PAX3: variants seen among roughly 807,000 people sequenced by gnomAD.
PAX3 encodes the protein paired box protein Pax-3.
In PAX3, 14 loss-of-function variants were observed where a neutral mutation model predicts 51.6. The ratio of observed to expected loss-of-function variants is 0.27; its 90% CI spans 0.18 to 0.42. The LOEUF is 0.42. PAX3 is among the 10% of genes least tolerant of loss of function. The probability of loss-of-function intolerance (pLI) is 1.00; values close to 1 mark genes in which losing one functional copy is unlikely to be tolerated. For missense variants in PAX3, 540 were observed against 642.8 expected, an observed-to-expected ratio of 0.84 and a Z score of 1.73; for synonymous variants, 280 against 253.4, an observed-to-expected ratio of 1.11 and a Z score of -1.00.
intron 5 of PAX3, among the ~76,000 whole-genome samples, chr2:222,231,005 C>T (rs1015687224): frequency 6.6e-6 from 1 of 152,122 alleles, no homozygotes; most frequent in African/African-American, 2.4e-5. Flanking sequence ...CTTCAGAGAA[C>T]TGTCTTAATT....
intron 4 of PAX3, among the ~76,000 whole-genome samples, chr2:222,292,879 C>G (rs1695095139): frequency 1.3e-5 from 2 of 152,236 alleles, no homozygotes; most frequent in South Asian, 4.1e-4. Flanking sequence ...ATCAGAGTAT[C>G]TACACTTGTT....
intron 4 of PAX3, among the ~76,000 whole-genome samples, chr2:222,244,768 G>C (rs1276303764): frequency 2.0e-5 from 3 of 149,914 alleles, no homozygotes; most frequent in African/African-American, 7.4e-5. Flanking sequence ...TTCAGCTCTT[G>C]CTCATTCCCA....
At chr2:222,207,262 G>A (rs912202177) in intron 7 of PAX3, among the ~76,000 whole-genome samples, 1 of 152,142 alleles carries the variant, frequency 6.6e-6, no homozygotes, top group African/African-American at 2.4e-5. Flanking sequence ...TCCTGAAAAT[G>A]TCCTCAGATT....
intron 4 of PAX3, chr2:222,293,674 GC>G: frequency 1.2e-6 from 2 of 1,614,104 alleles, no homozygotes; most frequent in Non-Finnish European, 1.7e-6. Flanking sequence ...CAATGTGGGG[GC>G]AATTTTGGAG....
chr2:222,292,816 C>G (rs911842844), intron 4 of PAX3, among the ~76,000 whole-genome samples: 4 of 152,236 alleles, frequency 2.6e-5, no homozygotes, highest in African/African-American at 9.6e-5. Context: ...GCAAAGGAAG[C>G]ATCTCCCTGC....
At chr2:222,211,024 T>A (rs549578472) in intron 7 of PAX3, among the ~76,000 whole-genome samples, 1 of 151,988 alleles carries the variant, frequency 6.6e-6, no homozygotes, top group South Asian at 2.1e-4. Context: ...AGGCCACCAT[T>A]CCCAGCTAAT....
At chr2:222,252,057 G>T (rs1217355744) in intron 4 of PAX3, among the ~76,000 whole-genome samples, 1 of 152,142 alleles carries the variant, frequency 6.6e-6, no homozygotes, top group African/African-American at 2.4e-5. Flanking sequence ...GCTAAGGATG[G>T]TTACTACATT....
chr2:222,276,967 C>T (rs1341677599), intron 4 of PAX3, among the ~76,000 whole-genome samples: 3 of 152,146 alleles, frequency 2.0e-5, no homozygotes, highest in African/African-American at 7.2e-5. Flanking sequence ...AAGAAGCACC[C>T]TGCGTATTCT....
At chr2:222,248,588 A>G (rs1038500591) in intron 4 of PAX3, among the ~76,000 whole-genome samples, 4 of 152,156 alleles carry the variant, frequency 2.6e-5, no homozygotes, top group African/African-American at 9.7e-5. Flanking sequence ...CTGATTGACC[A>G]CTTCCTTGAA....
At chr2:222,291,758 A>G (rs1447856264) in intron 4 of PAX3, among the ~76,000 whole-genome samples, 1 of 152,028 alleles carries the variant, frequency 6.6e-6, no homozygotes, top group Non-Finnish European at 1.5e-5. Context: ...CATTCATTCT[A>G]TTTTACAAGC....
intron 4 of PAX3, among the ~76,000 whole-genome samples, chr2:222,265,978 A>C (rs1694043741): frequency 6.6e-6 from 1 of 152,190 alleles, no homozygotes. Context: ...CTAATCCAAT[A>C]GTGTGGGGAC....
chr2:222,286,261 G>A (rs1694831145), intron 4 of PAX3, among the ~76,000 whole-genome samples: 2 of 152,226 alleles, frequency 1.3e-5, no homozygotes, highest in Admixed American at 6.5e-5. Flanking sequence ...TTTTTAAACA[G>A]AATATGTTGG....
At chr2:222,230,704 A>T (rs186184469) in intron 5 of PAX3, among the ~76,000 whole-genome samples, 1 of 151,920 alleles carries the variant, frequency 6.6e-6, no homozygotes, top group African/African-American at 2.4e-5. Flanking sequence ...AAAATACAAA[A>T]ATGAGCCGGG....
chr2:222,265,940 A>T (rs1347852732), intron 4 of PAX3, among the ~76,000 whole-genome samples: 1 of 152,212 alleles, frequency 6.6e-6, no homozygotes, highest in East Asian at 1.9e-4. Context: ...TGGCTCAGGG[A>T]CACCTGTAGA....
At chr2:222,266,789 A>T (rs1305585812) in intron 4 of PAX3, among the ~76,000 whole-genome samples, 1 of 152,226 alleles carries the variant, frequency 6.6e-6, no homozygotes, top group Non-Finnish European at 1.5e-5. Flanking sequence ...TCAGAGAGCC[A>T]CTGAAACCAT....
chr2:222,295,474 G>T, intron 3 of PAX3, 54 bp downstream of exon 3: 1 of 1,603,158 alleles, frequency 6.2e-7, no homozygotes, highest in South Asian at 1.1e-5. Context: ...TCGACGTGCC[G>T]GGGTAATAGC....
intron 4 of PAX3, among the ~76,000 whole-genome samples, chr2:222,242,842 C>G (rs1693067788): frequency 6.6e-6 from 1 of 152,194 alleles, no homozygotes; most frequent in Admixed American, 6.6e-5. Flanking sequence ...TTGAATAAGA[C>G]ATGAGTGTTC....
intron 4 of PAX3, chr2:222,242,575 A>G (rs1427357949): frequency 6.6e-6 from 1 of 152,200 alleles, no homozygotes; most frequent in South Asian, 2.1e-4. Context: ...AAATCATATC[A>G]GCATTGTCAT....
chr2:222,240,308 C>T (rs75522196), intron 4 of PAX3, among the ~76,000 whole-genome samples: 10,283 of 152,164 alleles, frequency 0.068, 527 homozygotes, highest in African/African-American at 0.15. Flanking sequence ...GGCAAGCTGC[C>T]TCTGAAGTGC....
Sources: allele counts gnomAD v4.1 joint callset (sites outside exome capture counted in the v4.1 genomes callset), GRCh38; gene constraint gnomAD v4.1.1; transcripts MANE v1.5; gene names NCBI Gene and HGNC (gene_info 2026-07-23, HGNC 2026-07-21).